Variants in FAF1 observed in about 807,000 individuals in gnomAD.
The protein encoded by FAF1 is Fas associated factor 1, also known as FAS-associated factor 1.
Under a neutral mutation model 92.5 loss-of-function variants are expected in FAF1, and 25 were observed. The ratio of observed to expected loss-of-function variants is 0.27; its 90% CI spans 0.20 to 0.38. FAF1 has a LOEUF of 0.38. Ranked by LOEUF, FAF1 falls within the 10% of genes least tolerant of loss-of-function variation. The pLI, the probability that FAF1 is intolerant of heterozygous loss-of-function variation, is 1.00. For synonymous variants in FAF1, 234 were observed against 273.2 expected, an observed-to-expected ratio of 0.86 and a Z score of 1.42; for missense variants, 636 against 793.3, an observed-to-expected ratio of 0.80 and a Z score of 2.38.
intron 6 of FAF1, among the ~76,000 whole-genome samples, chr1:50,709,122 G>C (rs1657811179): frequency 6.6e-6 from 1 of 152,146 alleles, no homozygotes; most frequent in South Asian, 2.1e-4. Flanking sequence ...TTTTTCTCTA[G>C]AGCTTGTCTG....
intron 2 of FAF1, among the ~76,000 whole-genome samples, chr1:50,829,468 A>C (rs1379909317): frequency 6.6e-6 from 1 of 152,242 alleles, no homozygotes; most frequent in Non-Finnish European, 1.5e-5. Flanking sequence ...CACCCCCAAC[A>C]AAGTGACCTC....
intron 1 of FAF1, among the ~76,000 whole-genome samples, chr1:50,923,899 A>G (rs1414861528): frequency 1.3e-5 from 2 of 152,258 alleles, no homozygotes; most frequent in East Asian, 3.8e-4. Flanking sequence ...AAAACTCCCA[A>G]CTGAGTATAG....
At chr1:50,836,636 G>T (rs1407990194) in intron 2 of FAF1, among the ~76,000 whole-genome samples, 1 of 152,106 alleles carries the variant, frequency 6.6e-6, no homozygotes, top group Non-Finnish European at 1.5e-5. Context: ...ACTCTGACAA[G>T]TTTACTTTCA....
chr1:50,612,105 A>T (rs1652711946), intron 8 of FAF1, among the ~76,000 whole-genome samples: 1 of 152,220 alleles, frequency 6.6e-6, no homozygotes, highest in Admixed American at 6.5e-5. Context: ...CATCATACAC[A>T]GGAAAAGTGC....
chr1:50,458,045 C>A (rs1646378386), intron 18 of FAF1, among the ~76,000 whole-genome samples: 1 of 151,218 alleles, frequency 6.6e-6, no homozygotes. Context: ...GAAACCCCAT[C>A]TCTACTAAAA....
chr1:50,634,134 C>A (rs1019738075), intron 8 of FAF1, among the ~76,000 whole-genome samples: 1 of 152,074 alleles, frequency 6.6e-6, no homozygotes, highest in African/African-American at 2.4e-5. Flanking sequence ...GTTCAAAAGG[C>A]TACTTACCAT....
chr1:50,659,875 A>C (rs1655297020), intron 7 of FAF1, among the ~76,000 whole-genome samples: 1 of 152,196 alleles, frequency 6.6e-6, no homozygotes, highest in African/African-American at 2.4e-5. Flanking sequence ...GAAAATATAT[A>C]AATCAGGTTA....
chr1:50,768,054 T>C (rs139391035), intron 4 of FAF1, among the ~76,000 whole-genome samples: 32 of 151,948 alleles, frequency 2.1e-4, no homozygotes, highest in African/African-American at 7.2e-4. Context: ...AAGAGAACCA[T>C]CACATGTGCA....
chr1:50,556,193 G>A (rs900315261), intron 13 of FAF1, among the ~76,000 whole-genome samples: 49 of 142,150 alleles, frequency 3.4e-4, no homozygotes, highest in African/African-American at 1.3e-3. Context: ...AGCCAAGATC[G>A]CGCCACTGCA....
chr1:50,798,608 T>C (rs1257495177), intron 3 of FAF1, among the ~76,000 whole-genome samples: 1 of 152,248 alleles, frequency 6.6e-6, no homozygotes, highest in Non-Finnish European at 1.5e-5. Context: ...ACACATAGTA[T>C]GCTGTGTTAG....
Position 50,796,991 on chromosome 1 carries a change from C to T in FAF1, c.161+4640G>A, listed in dbSNP as rs559651422. Among the ~76,000 whole-genome samples the T allele has an allele frequency of 2.0e-5, 3 of 152,228 alleles. No homozygotes were observed. In the South Asian group the frequency reaches 6.2e-4, roughly 32 times the overall value. On this transcript the variant is annotated intron_variant, in intron 3 of 18. Transcript: ENST00000396153. ...TCTCTACAAAAAATAAAAAAATTAGCCGGGCTTGGTGGCACATGCCTGTAG... is the reference window on the plus strand; with the variant it reads ...TCTCTACAAAAAATAAAAAAATTAGTCGGGCTTGGTGGCACATGCCTGTAG...
At chr1:50,784,735 A>G (rs1661300448) in intron 4 of FAF1, among the ~76,000 whole-genome samples, 1 of 152,200 alleles carries the variant, frequency 6.6e-6, no homozygotes, top group South Asian at 2.1e-4. Flanking sequence ...ATTGTGAGAA[A>G]GAAGAACAAA....
chr1:50,809,312 T>C (rs953352325), intron 2 of FAF1, among the ~76,000 whole-genome samples: 12 of 151,744 alleles, frequency 7.9e-5, no homozygotes, highest in African/African-American at 1.5e-4. Context: ...AAAAGATCAA[T>C]AAGGTCAAGA....
chr1:50,899,146 A>ACT (rs1644777328), intron 1 of FAF1, among the ~76,000 whole-genome samples: 2 of 151,834 alleles, frequency 1.3e-5, no homozygotes, highest in African/African-American at 4.8e-5. Context: ...TGCAATGTCT[A>ACT]CTCTGCTGTT....
intron 6 of FAF1, 78 bp from the exon 7 acceptor site, chr1:50,705,969 C>T: frequency 1.3e-6 from 1 of 765,168 alleles, no homozygotes; most frequent in East Asian, 2.5e-5. Context: ...TGCAAAAACC[C>T]CAGGAGTACC....
intron 8 of FAF1, among the ~76,000 whole-genome samples, chr1:50,600,518 T>C (rs1001095158): frequency 6.6e-6 from 1 of 152,094 alleles, no homozygotes; most frequent in Non-Finnish European, 1.5e-5. Flanking sequence ...TTGCCACATA[T>C]ACACACACAA....
At chr1:50,564,119 G>A (rs1319779210) in intron 13 of FAF1, among the ~76,000 whole-genome samples, 1 of 152,088 alleles carries the variant, frequency 6.6e-6, no homozygotes, top group East Asian at 1.9e-4. Flanking sequence ...TGTGATTGAA[G>A]AACTAATGCC....
At chr1:50,613,154 C>G (rs1485443656) in intron 8 of FAF1, among the ~76,000 whole-genome samples, 1 of 152,114 alleles carries the variant, frequency 6.6e-6, no homozygotes, top group Non-Finnish European at 1.5e-5. Flanking sequence ...CCTACCTAGT[C>G]CTATAATCCA....
chr1:50,927,488 T>C (rs530312227), intron 1 of FAF1, among the ~76,000 whole-genome samples: 2 of 152,140 alleles, frequency 1.3e-5, no homozygotes, highest in African/African-American at 4.8e-5. Context: ...AGGCTGAGGT[T>C]GCAGTGAGCC....
Sources: allele counts gnomAD v4.1 joint callset (sites outside exome capture counted in the v4.1 genomes callset), GRCh38; gene constraint gnomAD v4.1.1; transcripts MANE v1.5; gene names NCBI Gene and HGNC (gene_info 2026-07-23, HGNC 2026-07-21).